GRM7: variants seen among roughly 807,000 people sequenced by gnomAD.
The protein encoded by GRM7 is metabotropic glutamate receptor 7.
GRM7 carries 35 observed loss-of-function variants against 84.5 expected under a neutral mutation model. That is an observed-to-expected ratio of 0.41 (90% CI 0.32 to 0.55). The LOEUF is 0.55. Ranked by LOEUF, GRM7 falls within the 20% of genes least tolerant of loss-of-function variation. GRM7 has a pLI of 0.19. For missense variants in GRM7, 1,003 were observed against 1,194.6 expected (o/e 0.84, Z 2.36); for synonymous variants, 487 against 455.1 (o/e 1.07, Z -0.89).
intron 4 of GRM7, among the ~76,000 whole-genome samples, chr3:7,310,673 T>C (rs1363267786): frequency 6.6e-6 from 1 of 152,232 alleles, no homozygotes; most frequent in Non-Finnish European, 1.5e-5. Flanking sequence ...ATGATAAACC[T>C]GTACTCCTGC....
chr3:7,313,756 G>A (rs1470428515), intron 4 of GRM7, among the ~76,000 whole-genome samples: 2 of 152,002 alleles, frequency 1.3e-5, no homozygotes, highest in African/African-American at 4.8e-5. Context: ...CTATTATAAG[G>A]TGAAGCTATT....
chr3:7,306,732 G>A, intron 4 of GRM7, 80 bp downstream of exon 4: 3 of 1,284,034 alleles, frequency 2.3e-6, no homozygotes, highest in East Asian at 5.0e-5. Context: ...ACTTTTTAGG[G>A]GTTTGGCATT....
intron 8 of GRM7, among the ~76,000 whole-genome samples, chr3:7,638,128 A>T (rs1221482104): frequency 6.6e-6 from 1 of 152,014 alleles, no homozygotes; most frequent in Non-Finnish European, 1.5e-5. Flanking sequence ...ATTTATTTCC[A>T]CACTTCCTTT....
intron 1 of GRM7, among the ~76,000 whole-genome samples, chr3:6,908,718 A>G (rs1575000997): frequency 6.6e-6 from 1 of 152,150 alleles, no homozygotes; most frequent in Non-Finnish European, 1.5e-5. Flanking sequence ...TAAAAAGACC[A>G]GTCTTTTTTG....
intron 4 of GRM7, among the ~76,000 whole-genome samples, chr3:7,352,332 T>A (rs1160657712): frequency 6.6e-6 from 1 of 152,090 alleles, no homozygotes; most frequent in African/African-American, 2.4e-5. Flanking sequence ...TACATGGCAT[T>A]TTTAAACATT....
intron 1 of GRM7, among the ~76,000 whole-genome samples, chr3:6,899,438 T>C (rs917909624): frequency 2.6e-5 from 4 of 152,100 alleles, no homozygotes; most frequent in African/African-American, 9.7e-5. Flanking sequence ...GGTTGAGGAT[T>C]TTTGGAGGGC....
chr3:7,095,518 G>A (rs1002136930), intron 1 of GRM7, among the ~76,000 whole-genome samples: 8 of 152,034 alleles, frequency 5.3e-5, no homozygotes, highest in South Asian at 2.1e-4. Flanking sequence ...TACATATTCC[G>A]GAGGACCTGG....
At chr3:7,229,757 ATATTTTTTT>A (rs1159698697) in intron 2 of GRM7, among the ~76,000 whole-genome samples, 5 of 26,878 alleles carry the variant, frequency 1.9e-4, no homozygotes, top group Admixed American at 6.0e-4. Context: ...ATATATATAT[ATATTTTTTT>A]TTTTTTTTGG....
chr3:7,101,601 T>C (rs1699110443), intron 1 of GRM7, among the ~76,000 whole-genome samples: 1 of 151,328 alleles, frequency 6.6e-6, no homozygotes, highest in South Asian at 2.1e-4. Flanking sequence ...ATTAGTATAT[T>C]TATTCTATTT....
intron 7 of GRM7, among the ~76,000 whole-genome samples, chr3:7,497,060 A>T (rs1699729353): frequency 6.6e-6 from 1 of 152,040 alleles, no homozygotes; most frequent in African/African-American, 2.4e-5. Context: ...TGTCCACTTA[A>T]GATTTACCAG....
intron 5 of GRM7, among the ~76,000 whole-genome samples, chr3:7,444,665 C>T (rs920725703): frequency 2.6e-5 from 4 of 152,112 alleles, no homozygotes; most frequent in African/African-American, 7.2e-5. Flanking sequence ...CAACCTCAGT[C>T]CCTGTGTGCA....
chr3:7,255,875 C>T (rs937793058), intron 2 of GRM7, among the ~76,000 whole-genome samples: 1 of 152,152 alleles, frequency 6.6e-6, no homozygotes, highest in Non-Finnish European at 1.5e-5. Context: ...TCTTGGATAT[C>T]CAATACAGTC....
At chr3:7,326,508 CAA>C (rs1465233938) in intron 4 of GRM7, among the ~76,000 whole-genome samples, 2 of 151,922 alleles carry the variant, frequency 1.3e-5, no homozygotes, top group Non-Finnish European at 2.9e-5. Flanking sequence ...CCCTACGTAT[CAA>C]GAGAAAGGAA....
At chr3:7,542,447 C>T (rs1306488859) in intron 7 of GRM7, among the ~76,000 whole-genome samples, 3 of 152,150 alleles carry the variant, frequency 2.0e-5, no homozygotes, top group Non-Finnish European at 4.4e-5. Context: ...TTTAAGATTT[C>T]ACCTCCTCTG....
At chr3:7,611,958 G>C (rs1559438686) in intron 8 of GRM7, among the ~76,000 whole-genome samples, 1 of 152,150 alleles carries the variant, frequency 6.6e-6, no homozygotes, top group Non-Finnish European at 1.5e-5. Flanking sequence ...AATAGGAAAA[G>C]CTATGGACTT....
At chr3:7,519,654 G>A (rs1296759274) in intron 7 of GRM7, 1 of 152,140 alleles carries the variant, frequency 6.6e-6, no homozygotes, top group Non-Finnish European at 1.5e-5. Context: ...GTAATGTCAG[G>A]CACCTGAGAC....
intron 4 of GRM7, among the ~76,000 whole-genome samples, chr3:7,343,440 C>T (rs1692738054): frequency 6.6e-6 from 1 of 152,034 alleles, no homozygotes; most frequent in African/African-American, 2.4e-5. Flanking sequence ...TATCAAACTC[C>T]TGAGCTCAAG....
In GRM7 at chr3:7,495,028, T is replaced by G. The variant is rs144901122; in HGVS notation, c.1515+33306T>G. On this transcript the variant is annotated intron_variant, in intron 7 of 9. Transcript: ENST00000357716. ...GATTTTCACTTGCATCCTTGAAATTTTATTTATTGTGTTAGGAGGCATTGT... is the reference window on the plus strand; with the variant it reads ...GATTTTCACTTGCATCCTTGAAATTGTATTTATTGTGTTAGGAGGCATTGT... 3.3e-5 allele frequency among the ~76,000 whole-genome samples: 5 copies of G among 151,786 alleles called. No individual in the cohort carries two copies. In the East Asian group the frequency reaches 9.7e-4, roughly 29 times the overall value.
chr3:6,954,794 G>A (rs1010808201), intron 1 of GRM7, among the ~76,000 whole-genome samples: 10 of 152,204 alleles, frequency 6.6e-5, no homozygotes, highest in African/African-American at 2.4e-4. Flanking sequence ...TAGCAGAGAA[G>A]ATGGTGTATA....
Sources: allele counts gnomAD v4.1 joint callset (sites outside exome capture counted in the v4.1 genomes callset), GRCh38; gene constraint gnomAD v4.1.1; transcripts MANE v1.5; gene names NCBI Gene and HGNC (gene_info 2026-07-23, HGNC 2026-07-21).